ZHX2: variants seen among roughly 807,000 people sequenced by gnomAD.
ZHX2 encodes zinc fingers and homeoboxes protein 2.
ZHX2 carries 6 observed loss-of-function variants against 21.9 expected under a neutral mutation model. That is an observed-to-expected ratio of 0.27 (90% CI 0.15 to 0.54). The LOEUF is 0.54. Among genes scored for constraint, ZHX2 ranks in the 20% least tolerant of loss-of-function variants. The probability of loss-of-function intolerance (pLI) is 0.95; values close to 1 mark genes in which losing one functional copy is unlikely to be tolerated. For synonymous variants in ZHX2, 434 were observed against 437.1 expected, an observed-to-expected ratio of 0.99 and a Z score of 0.09; for missense variants, 908 against 1,090.7, an observed-to-expected ratio of 0.83 and a Z score of 2.36.
At chr8:122,934,599 G>GTTCCTTCCTTCCTTCCTTCCTTCT (rs1812627633) in intron 2 of ZHX2, among the ~76,000 whole-genome samples, 1 of 150,618 alleles carries the variant, frequency 6.6e-6, no homozygotes, top group East Asian at 1.9e-4. Context: ...TGGGTGCAAA[G>GTTCCTTCCTTCCTTCCTTCCTTCT]TTCCTTCCTT....
chr8:122,900,877 A>G (rs932165920), intron 2 of ZHX2, among the ~76,000 whole-genome samples: 2 of 152,232 alleles, frequency 1.3e-5, no homozygotes, highest in Non-Finnish European at 2.9e-5. Context: ...GCTTGCACTT[A>G]CCATTAGTAG....
At chr8:122,919,311 G>A (rs150197671) in intron 2 of ZHX2, among the ~76,000 whole-genome samples, 124 of 152,350 alleles carry the variant, frequency 8.1e-4, no homozygotes, top group Middle Eastern at 3.4e-3. Flanking sequence ...TCGGTGCACA[G>A]TAGATGACAG....
rs535549778 is a variant in ZHX2, at chr8:122,952,143, C to T, written c.633C>T (p.His211=). The change falls in exon 3 of 4, where the codon CAC becomes CAT. Residue 211 remains histidine, a synonymous_variant. Transcript: ENST00000314393. This position sits in a 1 kb window ranked among gnomAD's most constrained non-coding sequence, Gnocchi z 6.9. ...CCGAGGAGATCACCCCCGAGAACCA[C>T]GTGGAAGGGACCGCCCGCCTGGTGA... ...KKPEEITPEN[H]VEGTARLVTD... The T allele has an allele frequency of 1.5e-5, 24 of 1,613,770 alleles. No homozygotes were observed. The highest frequency in any genetic ancestry group is 1.0e-4 in the Admixed American group (6 of 59,980).
intron 1 of ZHX2, among the ~76,000 whole-genome samples, chr8:122,824,159 T>C (rs1818213161): frequency 6.6e-6 from 1 of 152,212 alleles, no homozygotes; most frequent in Non-Finnish European, 1.5e-5. Flanking sequence ...GAGGCCGGCC[T>C]TGTCCACCCT....
At chr8:122,940,746 A>G (rs959120821) in intron 2 of ZHX2, among the ~76,000 whole-genome samples, 7 of 152,220 alleles carry the variant, frequency 4.6e-5, no homozygotes, top group African/African-American at 9.6e-5. Context: ...TAATTTATAG[A>G]CACAGTATCA....
chr8:122,925,565 C>T (rs1031486135), intron 2 of ZHX2, among the ~76,000 whole-genome samples: 15 of 152,218 alleles, frequency 9.9e-5, no homozygotes, highest in African/African-American at 3.6e-4. Context: ...GGAATCCAGA[C>T]ACACTCTTGT....
At chr8:122,785,151 A>G (rs774333052) in intron 1 of ZHX2, among the ~76,000 whole-genome samples, 1 of 152,248 alleles carries the variant, frequency 6.6e-6, no homozygotes, top group Non-Finnish European at 1.5e-5. Flanking sequence ...ATCACAGAGG[A>G]TCTCCTAGAG....
rs184868922 is a variant in ZHX2, at chr8:122,788,378, T to C, written c.-283+6432T>C. 3.1e-3 allele frequency among the ~76,000 whole-genome samples: 466 copies of C among 152,052 alleles called. 5 individuals are homozygous for C. Among genetic ancestry groups the C allele is most frequent in the Non-Finnish European group, 3.1e-3 (213 of 67,964 alleles). ...TTCAAGGCCAGCCTGGACAACATGG[T>C]GAAACCCCATCTCTACAAAAAATTT... On this transcript the variant is annotated intron_variant, in intron 1 of 3. Coordinates refer to ENST00000314393, the MANE Select transcript of ZHX2 (RefSeq NM_014943.5).
intron 2 of ZHX2, among the ~76,000 whole-genome samples, chr8:122,864,050 A>G (rs1379108571): frequency 6.6e-6 from 1 of 151,910 alleles, no homozygotes; most frequent in Non-Finnish European, 1.5e-5. Context: ...CAGAAGAGCT[A>G]TGCAAGAGTG....
chr8:122,939,421 G>GTTTGC (rs954668060), intron 2 of ZHX2, among the ~76,000 whole-genome samples: 14 of 152,308 alleles, frequency 9.2e-5, no homozygotes, highest in Admixed American at 3.3e-4. Flanking sequence ...TGCTTTTCAT[G>GTTTGC]TTTGCTTTGC....
At chr8:122,911,844 C>T (rs1456080354) in intron 2 of ZHX2, among the ~76,000 whole-genome samples, 1 of 152,144 alleles carries the variant, frequency 6.6e-6, no homozygotes, top group Non-Finnish European at 1.5e-5. Context: ...TTTCAGCTGA[C>T]TCCTGAGAGA....
At chr8:122,848,214 CTGTG>C (rs1241088539) in intron 1 of ZHX2, among the ~76,000 whole-genome samples, 1 of 152,050 alleles carries the variant, frequency 6.6e-6, no homozygotes, top group Non-Finnish European at 1.5e-5. Context: ...TGTTGCGTCT[CTGTG>C]TGTGTGTGCG....
intron 1 of ZHX2, among the ~76,000 whole-genome samples, chr8:122,809,603 A>G (rs1043449931): frequency 6.6e-6 from 1 of 152,198 alleles, no homozygotes; most frequent in Non-Finnish European, 1.5e-5. Context: ...CCACGCTGGT[A>G]TTTAGTTATG....
chr8:122,891,287 T>TGTGTGA (rs1819973669), intron 2 of ZHX2, among the ~76,000 whole-genome samples: 1 of 133,864 alleles, frequency 7.5e-6, no homozygotes, highest in African/African-American at 2.7e-5. Context: ...TGTGTGTGTG[T>TGTGTGA]GTGTGTGTGT....
chr8:122,880,747 C>T lies in ZHX2; in HGVS notation c.-220+17208C>T, dbSNP rs533707451. On this transcript the variant is annotated intron_variant, in intron 2 of 3. Transcript: ENST00000314393. The stretch of plus-strand genomic sequence containing the variant: ...CCAAGATCATGCCACTACACTCCAG[C>T]TTGGGCAACAGAGTGAGACTCCACC... Among the ~76,000 whole-genome samples the T allele has an allele frequency of 1.0e-4, 14 of 133,584 alleles. No homozygotes were observed. In the South Asian group the frequency reaches 3.7e-3, roughly 35 times the overall value. The allele number at this position is 133,584 out of a possible 152,430, so 87.6% of individuals were successfully genotyped here.
chr8:122,951,295 T>C lies in ZHX2; in HGVS notation c.-216T>C, dbSNP rs955531794. 1.8e-6 allele frequency: 1 copy of C among 556,922 alleles called. No homozygotes were observed. Among genetic ancestry groups the C allele is most frequent in the African/African-American group, 1.9e-5 (1 of 53,282 alleles). 34.5% of individuals were successfully genotyped at this position (556,922 alleles called of 1,614,324 possible). ...CTGTCTTTGTTCTTGTCCACAGATA[T>C]GATGCTTCCTGGTGTGTTTAGTGGT... On this transcript the variant is annotated 5_prime_UTR_variant, in exon 3 of 4. An upstream start codon of the reference 5' UTR is lost. Transcript: ENST00000314393.
intron 2 of ZHX2, among the ~76,000 whole-genome samples, chr8:122,905,378 C>A (rs1010443762): frequency 8.0e-5 from 12 of 150,382 alleles, no homozygotes; most frequent in Non-Finnish European, 1.5e-4. Context: ...AATGGCACAA[C>A]ATTTTTTTTA....
At chr8:122,881,150 C>T (rs1461342868) in intron 2 of ZHX2, among the ~76,000 whole-genome samples, 2 of 152,168 alleles carry the variant, frequency 1.3e-5, no homozygotes, top group Non-Finnish European at 2.9e-5. Flanking sequence ...AGGATCCGTG[C>T]GGGAGCACTC....
chr8:122,914,768 C>T (rs1193371937), intron 2 of ZHX2, among the ~76,000 whole-genome samples: 1 of 152,180 alleles, frequency 6.6e-6, no homozygotes, highest in Non-Finnish European at 1.5e-5. Flanking sequence ...TGAGCTTTTT[C>T]ATCTCCTTCT....
Sources: gnomAD v4.1 joint callset for allele counts (sites outside exome capture counted in the v4.1 genomes callset) on GRCh38, gnomAD v4.1.1 for gene constraint, Gnocchi (gnomAD v3.1) non-coding constraint, MANE v1.5 for transcripts, NCBI Gene and HGNC (gene_info 2026-07-23, HGNC 2026-07-21) for gene names.